Variants in SMC2 observed in about 807,000 individuals in gnomAD.
SMC2 encodes the protein structural maintenance of chromosomes 2.
Under a neutral mutation model 142.6 loss-of-function variants are expected in SMC2, and 41 were observed. The observed-to-expected ratio is 0.29, with a 90% confidence interval of 0.22 to 0.37. The LOEUF is 0.37. Ranked by LOEUF, SMC2 falls within the 10% of genes least tolerant of loss-of-function variation. SMC2 has a pLI of 1.00. For synonymous variants in SMC2, 463 were observed against 457.5 expected (o/e 1.01, Z -0.15); for missense variants, 1,265 against 1,373.7 (o/e 0.92, Z 1.25).
intron 9 of SMC2, 60 bp from the exon 10 acceptor site, chr9:104,111,521 T>C: frequency 9.4e-7 from 1 of 1,066,290 alleles, no homozygotes; most frequent in Non-Finnish European, 1.4e-6. Context: ...GGTATGCGTA[T>C]AAGAAAGTGG....
In SMC2 at chr9:104,095,305, G is replaced by A; in HGVS notation, c.-61-19G>A. On this transcript the variant is annotated intron_variant, in intron 1 of 24. Transcript: ENST00000374793. ...AGGTTTACATTCCACTTAGGTGGTG[G>A]TATTTCTGTTTCGTACAGAACTGGT... is the stretch of plus-strand genomic sequence containing the variant. 3 of 1,100,304 alleles carry A rather than the reference G, an allele frequency of 2.7e-6. No individual in the cohort carries two copies. Among genetic ancestry groups the A allele is most frequent in the Non-Finnish European group, 4.0e-6 (3 of 751,066 alleles). 68.2% of individuals were successfully genotyped at this position (1,100,304 alleles called of 1,614,324 possible). A position where few individuals can be genotyped will look rare whatever the true frequency, so the allele number is the denominator to read the frequency against.
chr9:104,135,985 A>G (rs1835492809), intron 23 of SMC2: 5 of 510,570 alleles, frequency 9.8e-6, no homozygotes, highest in South Asian at 7.1e-5. Context: ...ACTAACATGG[A>G]TTTGGAGTTC....
At position 104,139,353 on chromosome 9, in the gene SMC2, A is replaced by C; in HGVS notation, c.*38A>C. 1 of 1,521,360 alleles carries C rather than the reference A, an allele frequency of 6.6e-7. No homozygotes were observed. The highest frequency in any genetic ancestry group is 8.8e-7 in the Non-Finnish European group (1 of 1,133,942). The allele number at this position is 1,521,360 out of a possible 1,614,324, so 94.2% of individuals were successfully genotyped here. A position where few individuals can be genotyped will look rare whatever the true frequency, so the allele number is the denominator to read the frequency against. On this transcript the variant is annotated 3_prime_UTR_variant, in exon 25 of 25. Transcript: ENST00000374793. ...TTTCTTCATCTTGACCTGTTTTTTT[A>C]AATGTAAACTTTTAAGGACTTGAGA...
At chr9:104,112,296 C>A (rs540606608) in intron 10 of SMC2, among the ~76,000 whole-genome samples, 2 of 152,274 alleles carry the variant, frequency 1.3e-5, no homozygotes, top group East Asian at 3.9e-4. Context: ...CACATGTAGC[C>A]ACATTCTAGT....
At chr9:104,110,043 A>G (rs373474272) in intron 9 of SMC2, among the ~76,000 whole-genome samples, 1 of 152,316 alleles carries the variant, frequency 6.6e-6, no homozygotes, top group East Asian at 1.9e-4. Flanking sequence ...TCAGTGTGAC[A>G]TTAATCATTT....
At chr9:104,100,806 C>T (rs943515360) in intron 7 of SMC2, among the ~76,000 whole-genome samples, 4 of 152,136 alleles carry the variant, frequency 2.6e-5, no homozygotes, top group African/African-American at 9.7e-5. Context: ...GGGGCTATCA[C>T]TATAATTATT....
In SMC2 at chr9:104,111,578, A is replaced by C. The variant is rs1832453171; in HGVS notation, c.1021-3A>C. ...ATTTTTCCATTTGAAACTCTTCCTA[A>C]AGGACTCAAAAACTTTAGCAGCAAA... On this transcript the variant is annotated splice_polypyrimidine_tract_variant and splice_region_variant and intron_variant, in intron 9 of 24. Coordinates refer to ENST00000374793, the MANE Select transcript of SMC2 (RefSeq NM_006444.3). 6.2e-7 allele frequency: 1 copy of C among 1,604,236 alleles called. No individual in the cohort carries two copies. Among genetic ancestry groups the C allele is most frequent in the African/African-American group, 1.3e-5 (1 of 74,614 alleles).
At chr9:104,122,375 T>A (rs989301844) in intron 16 of SMC2, among the ~76,000 whole-genome samples, 15 of 152,170 alleles carry the variant, frequency 9.9e-5, no homozygotes, top group Non-Finnish European at 1.9e-4. Flanking sequence ...TCCACATTTT[T>A]AAATTAATTT....
intron 22 of SMC2, among the ~76,000 whole-genome samples, chr9:104,132,582 G>A (rs957041885): frequency 3.3e-5 from 5 of 152,072 alleles, no homozygotes; most frequent in Admixed American, 1.3e-4. Flanking sequence ...GAGTTACTGT[G>A]CTGTTTGGTA....
At chr9:104,110,153 T>G (rs1457345700) in intron 9 of SMC2, among the ~76,000 whole-genome samples, 2 of 152,092 alleles carry the variant, frequency 1.3e-5, no homozygotes, top group Admixed American at 1.3e-4. Flanking sequence ...TGCAGTACCA[T>G]AAACCCGAAT....
chr9:104,094,106 A>C (rs1349058099), upstream of SMC2, among the ~76,000 whole-genome samples: 1 of 152,020 alleles, frequency 6.6e-6, no homozygotes, highest in Non-Finnish European at 1.5e-5. Context: ...GCCGGTGTGA[A>C]CATACACTAT....
At position 104,116,303 on chromosome 9, in the gene SMC2, G is replaced by A. The variant is rs1791610926; in HGVS notation, c.1775G>A (p.Arg592Lys). Reference sequence around the variant, plus strand: ...AGATGTATTGCACCAGAAACTCTGAGAGTTGCTCAGAATCTTGTAAGTCTC... The same window carrying A: ...AGATGTATTGCACCAGAAACTCTGAAAGTTGCTCAGAATCTTGTAAGTCTC... ...SARCIAPETL[R>K]VAQNLVGPDN... Residue 592 changes from arginine to lysine, a missense_variant, in exon 14 of 25, where the codon AGA becomes AAA. Physicochemically the swap from Arg to Lys is conservative, Grantham distance 26. This residue lies in a region of SMC2 where 898 missense variants were observed against 904.2 expected (regional missense o/e 0.99). Coordinates refer to ENST00000374793, the MANE Select transcript of SMC2 (RefSeq NM_006444.3). The A allele has an allele frequency of 1.2e-6, 2 of 1,605,630 alleles. No individual in the cohort carries two copies. Among genetic ancestry groups the A allele is most frequent in the Non-Finnish European group, 8.5e-7 (1 of 1,177,276 alleles).
At chr9:104,126,195 A>AAAATCAT (rs1834253694) in intron 18 of SMC2, among the ~76,000 whole-genome samples, 1 of 152,322 alleles carries the variant, frequency 6.6e-6, no homozygotes, top group South Asian at 2.1e-4. Context: ...GCCATATGGA[A>AAAATCAT]AAATCATCTT....
At chr9:104,101,736 G>A (rs78240153) in intron 7 of SMC2, among the ~76,000 whole-genome samples, 8,635 of 152,214 alleles carry the variant, frequency 0.057, 658 homozygotes, top group African/African-American at 0.18. Context: ...ACCCAAGTGT[G>A]TGTTAGAAGA....
chr9:104,093,423 A>T (rs192469336), upstream of SMC2, among the ~76,000 whole-genome samples: 25 of 152,294 alleles, frequency 1.6e-4, 1 homozygote, highest in East Asian at 4.8e-3. Context: ...AGCTTACTAG[A>T]CAAGCTGTTT....
rs369894976 is a variant in SMC2, at chr9:104,116,292, A to G, written c.1764A>G (p.Pro588=). The G allele has an allele frequency of 4.4e-6, 7 of 1,607,962 alleles. No individual in the cohort carries two copies. Among genetic ancestry groups the G allele is most frequent in the Admixed American group, 1.7e-5 (1 of 58,638 alleles). The change falls in exon 14 of 25, where the codon CCA becomes CCG. Residue 588 remains proline (P), a synonymous_variant. Transcript: ENST00000374793. The stretch of plus-strand genomic sequence containing the variant: ...AAATTTCAGCCAGATGTATTGCACC[A>G]GAAACTCTGAGAGTTGCTCAGAATC... ...LNKISARCIA[P]ETLRVAQNLV... is the part of the protein sequence containing the mutation.
intron 9 of SMC2, among the ~76,000 whole-genome samples, chr9:104,106,612 C>A (rs1038205447): frequency 6.6e-6 from 1 of 152,108 alleles, no homozygotes; most frequent in African/African-American, 2.4e-5. Flanking sequence ...AGTCTGGTCT[C>A]GAACTCCCGA....
chr9:104,125,644 A>C (rs966826084), intron 18 of SMC2, among the ~76,000 whole-genome samples: 1 of 152,198 alleles, frequency 6.6e-6, no homozygotes, highest in South Asian at 2.1e-4. Flanking sequence ...TCAGAGATTC[A>C]GCAAGTTGAC....
chr9:104,114,861 A>G (rs1339966644), intron 13 of SMC2, 32 bp downstream of exon 13: 3 of 1,574,074 alleles, frequency 1.9e-6, no homozygotes, highest in Admixed American at 3.6e-5. Flanking sequence ...AAAATTTAAA[A>G]TTTGGTTAGC....
Sources: gnomAD v4.1 joint callset for allele counts (sites outside exome capture counted in the v4.1 genomes callset) on GRCh38, gnomAD v4.1.1 for gene constraint, gnomAD v4.1.1 regional missense constraint, MANE v1.5 for transcripts, NCBI Gene and HGNC (gene_info 2026-07-23, HGNC 2026-07-21) for gene names.